The following CPNE8 variants were observed in gnomAD, a reference collection of about 807,000 sequenced individuals.
The protein encoded by CPNE8 is copine-8.
A neutral mutation model predicts 81.5 loss-of-function variants in CPNE8; 45 were observed. The ratio of observed to expected loss-of-function variants is 0.55; its 90% CI spans 0.44 to 0.71. The LOEUF (loss-of-function observed/expected upper bound fraction) is 0.71. Ranked by LOEUF, CPNE8 falls within the 30% of genes least tolerant of loss-of-function variation. The pLI is 0.00. For missense variants in CPNE8, 594 were observed against 672.1 expected, an observed-to-expected ratio of 0.88 and a Z score of 1.28; for synonymous variants, 252 against 226.3, an observed-to-expected ratio of 1.11 and a Z score of -1.02.
intron 15 of CPNE8, among the ~76,000 whole-genome samples, chr12:38,689,148 C>T (rs1258987480): frequency 6.6e-6 from 1 of 152,050 alleles, no homozygotes; most frequent in Non-Finnish European, 1.5e-5. Flanking sequence ...GCAATGGATG[C>T]CTTATTTCAT....
intron 4 of CPNE8, among the ~76,000 whole-genome samples, chr12:38,845,476 G>A (rs1943541603): frequency 1.3e-5 from 2 of 152,016 alleles, no homozygotes; most frequent in South Asian, 4.1e-4. Context: ...AGTAGAGGTT[G>A]GGACTACTGG....
intron 3 of CPNE8, among the ~76,000 whole-genome samples, chr12:38,861,861 T>A (rs1467542711): frequency 1.3e-5 from 2 of 151,962 alleles, no homozygotes; most frequent in African/African-American, 4.8e-5. Context: ...ACATATAGAG[T>A]AGTGGTGAGC....
intron 14 of CPNE8, among the ~76,000 whole-genome samples, chr12:38,698,079 T>G (rs1939840992): frequency 6.6e-6 from 1 of 152,250 alleles, no homozygotes; most frequent in Non-Finnish European, 1.5e-5. Flanking sequence ...ACTTGTTATT[T>G]GACTGTTTTC....
intron 7 of CPNE8, among the ~76,000 whole-genome samples, chr12:38,773,468 G>T (rs1242342623): frequency 6.6e-6 from 1 of 151,934 alleles, no homozygotes; most frequent in East Asian, 1.9e-4. Flanking sequence ...CCAGTTATTT[G>T]TATGCCAATT....
At chr12:38,720,407 G>C (rs1447535527) in intron 13 of CPNE8, among the ~76,000 whole-genome samples, 1 of 152,240 alleles carries the variant, frequency 6.6e-6, no homozygotes, top group East Asian at 1.9e-4. Flanking sequence ...TATACTGATA[G>C]ACTCACACCC....
intron 19 of CPNE8, among the ~76,000 whole-genome samples, chr12:38,654,791 C>T (rs986467707): frequency 6.6e-6 from 1 of 152,096 alleles, no homozygotes; most frequent in African/African-American, 2.4e-5. Flanking sequence ...AATTCAGCTT[C>T]TGATATAAAA....
chr12:38,780,044 G>T (rs1404672618), intron 6 of CPNE8, among the ~76,000 whole-genome samples: 1 of 151,896 alleles, frequency 6.6e-6, no homozygotes, highest in Admixed American at 6.6e-5. Flanking sequence ...CATTGTTTCT[G>T]GTCTTATGTT....
chr12:38,652,781 G>T lies in CPNE8; in HGVS notation c.*1101C>A, dbSNP rs193184427. On this transcript the variant is annotated 3_prime_UTR_variant, in exon 20 of 20. Transcript: ENST00000331366. ...ATGCAAAAACCCTTTACAATTATTC[G>T]TGGACAGGCAGGTCAGTATATAGGA... is the stretch of plus-strand genomic sequence containing the variant. 1 of 152,500 alleles carries T rather than the reference G, an allele frequency of 6.6e-6. No homozygotes were observed. Among genetic ancestry groups the T allele is most frequent in the African/African-American group, 2.4e-5 (1 of 41,406 alleles). 9.4% of individuals were successfully genotyped at this position (152,500 alleles called of 1,614,324 possible). A position where few individuals can be genotyped will look rare whatever the true frequency, so the allele number is the denominator to read the frequency against.
intron 15 of CPNE8, among the ~76,000 whole-genome samples, chr12:38,689,893 C>CA (rs1461918648): frequency 6.6e-6 from 1 of 152,214 alleles, no homozygotes; most frequent in East Asian, 1.9e-4. Flanking sequence ...AGCAATGACT[C>CA]ATTCTTTTCA....
intron 2 of CPNE8, among the ~76,000 whole-genome samples, chr12:38,874,163 A>T (rs547558227): frequency 7.2e-5 from 11 of 152,292 alleles, no homozygotes; most frequent in Middle Eastern, 3.4e-3. Flanking sequence ...AAATAACTTT[A>T]AATTATGGCC....
At chr12:38,900,412 G>A (rs573493683) in intron 1 of CPNE8, among the ~76,000 whole-genome samples, 8 of 152,300 alleles carry the variant, frequency 5.3e-5, no homozygotes, top group African/African-American at 1.9e-4. Flanking sequence ...CTATAGAACT[G>A]CAGCATCAAA....
rs182600964 is a variant in CPNE8 at position 38,738,162 on chromosome 12, G to C, written c.723-7804C>G. Among the ~76,000 whole-genome samples the C allele has an allele frequency of 4.0e-5, 6 of 149,694 alleles. No homozygotes were observed. In the South Asian group the frequency reaches 1.3e-3, roughly 33 times the overall value. On this transcript the variant is annotated intron_variant, in intron 10 of 19. Transcript: ENST00000331366. The stretch of plus-strand genomic sequence containing the variant: ...CTGACAGACTGAGGTACTCCAAAAA[G>C]GGCAACAAGGATCAACTGCAAAGGG...
At chr12:38,777,027 C>CAA (rs1389948405) in intron 6 of CPNE8, among the ~76,000 whole-genome samples, 6 of 129,508 alleles carry the variant, frequency 4.6e-5, no homozygotes, top group African/African-American at 1.4e-4. Flanking sequence ...CTACACATAC[C>CAA]AAAAAAAAAA....
rs141341996 is a variant in CPNE8, at chr12:38,755,655, G to T, written c.722+5192C>A. Among the ~76,000 whole-genome samples, 4 of 152,238 alleles carry T rather than the reference G, an allele frequency of 2.6e-5. No homozygotes were observed. In the East Asian group the frequency reaches 7.7e-4, roughly 29 times the overall value. ...TGATTTTAGCATTGTGGTTTAACTT[G>T]TTGAAAATTAAATACATTTCAACTG... On this transcript the variant is annotated intron_variant, in intron 10 of 19. Transcript: ENST00000331366.
upstream of CPNE8, chr12:38,906,656 CTGGT>C: frequency 1.0e-6 from 1 of 966,638 alleles, no homozygotes; most frequent in Non-Finnish European, 1.2e-6. Flanking sequence ...GGCAGCAAGA[CTGGT>C]GCCAAGACGG....
At chr12:38,713,379 C>T (rs547852644) in intron 13 of CPNE8, among the ~76,000 whole-genome samples, 9 of 152,046 alleles carry the variant, frequency 5.9e-5, no homozygotes, top group East Asian at 3.9e-4. Context: ...GTAACTACAA[C>T]GAAGATATAG....
intron 10 of CPNE8, among the ~76,000 whole-genome samples, chr12:38,732,068 T>C (rs2136768207): frequency 6.6e-6 from 1 of 151,940 alleles, no homozygotes; most frequent in Non-Finnish European, 1.5e-5. Flanking sequence ...GAGGCTTATA[T>C]AAACAGAGCT....
At chr12:38,861,429 G>A (rs1047261524) in intron 3 of CPNE8, among the ~76,000 whole-genome samples, 8 of 151,898 alleles carry the variant, frequency 5.3e-5, no homozygotes, top group South Asian at 2.1e-4. Context: ...TATTAAAAAC[G>A]ACTTATTAAA....
intron 6 of CPNE8, among the ~76,000 whole-genome samples, chr12:38,806,144 A>T (rs1313296198): frequency 6.7e-6 from 1 of 150,236 alleles, no homozygotes; most frequent in Non-Finnish European, 1.5e-5. Context: ...CCAGGACCAG[A>T]TGGATTCACA....
Sources: gnomAD v4.1 joint callset for allele counts (sites outside exome capture counted in the v4.1 genomes callset) on GRCh38, gnomAD v4.1.1 for gene constraint, MANE v1.5 for transcripts, NCBI Gene and HGNC (gene_info 2026-07-23, HGNC 2026-07-21) for gene names.